The following CSMD2 variants were observed in gnomAD, a reference collection of about 807,000 sequenced individuals.
The protein encoded by CSMD2 is CUB and sushi domain-containing protein 2.
In CSMD2, 130 loss-of-function variants were observed where a neutral mutation model predicts 398.5. The ratio of observed to expected loss-of-function variants is 0.33; its 90% CI spans 0.28 to 0.38. CSMD2 has a LOEUF of 0.38. CSMD2 is among the 10% of genes least tolerant of loss of function. The probability of loss-of-function intolerance (pLI) is 1.00; values close to 1 mark genes in which losing one functional copy is unlikely to be tolerated. For missense variants in CSMD2, 3,829 were observed against 4,764.9 expected, an observed-to-expected ratio of 0.80 and a Z score of 5.78; for synonymous variants, 1,828 against 1,908.5, an observed-to-expected ratio of 0.96 and a Z score of 1.10.
At chr1:33,706,248 T>A (rs890194768) in intron 22 of CSMD2, among the ~76,000 whole-genome samples, 3 of 152,222 alleles carry the variant, frequency 2.0e-5, no homozygotes, top group Non-Finnish European at 4.4e-5. Context: ...GGATTGATTA[T>A]CCATTTTATT....
chr1:34,110,484 C>T (rs1370265100), intron 1 of CSMD2, among the ~76,000 whole-genome samples: 3 of 151,822 alleles, frequency 2.0e-5, no homozygotes, highest in Non-Finnish European at 4.4e-5. Flanking sequence ...AAATATGGTA[C>T]ATATACACCA....
chr1:33,520,360 T>C (rs1654155010), intron 68 of CSMD2, among the ~76,000 whole-genome samples: 2 of 152,244 alleles, frequency 1.3e-5, no homozygotes, highest in African/African-American at 2.4e-5. Flanking sequence ...TGGTTGAAGC[T>C]GAAGCATCTC....
intron 5 of CSMD2, among the ~76,000 whole-genome samples, chr1:33,861,626 A>G (rs1250481131): frequency 3.9e-5 from 6 of 152,364 alleles, no homozygotes; most frequent in Non-Finnish European, 1.5e-5. Flanking sequence ...CTACATGGTG[A>G]AAGGCTAAAA....
chr1:33,990,303 A>C (rs971239501), intron 3 of CSMD2, among the ~76,000 whole-genome samples: 1 of 152,172 alleles, frequency 6.6e-6, no homozygotes, highest in Admixed American at 6.5e-5. Flanking sequence ...TATCAAAAAA[A>C]GTGATAGGAT....
Position 33,525,035 on chromosome 1 carries a change from C to G in CSMD2, c.10243G>C (p.Asp3415His), listed in dbSNP as rs192427685. Residue 3415 changes from aspartate to histidine, a missense_variant, in exon 66 of 71, where the codon GAT becomes CAT. Physicochemically the swap from Asp to His is moderately conservative, Grantham distance 81 (BLOSUM62 -1). This residue lies in a region of CSMD2 where 917 missense variants were observed against 1,199.5 expected (regional missense o/e 0.76). Transcript: ENST00000373381. ...CACAGGGAATTCTTGGCAAAAACATCCCCAGGAACTAGAGGAATTGAGAAA... is the reference window on the plus strand; with the variant it reads ...CACAGGGAATTCTTGGCAAAAACATGCCCAGGAACTAGAGGAATTGAGAAA... ...PPLTQALIPGDVFAKNSLWKG... is the reference protein window; with the variant it reads ...PPLTQALIPGHVFAKNSLWKG... The G allele has an allele frequency of 2.5e-6, 4 of 1,614,148 alleles. No individual in the cohort carries two copies. The highest frequency in any genetic ancestry group is 3.3e-5 in the Admixed American group (2 of 60,022).
intron 6 of CSMD2, among the ~76,000 whole-genome samples, chr1:33,832,399 C>CT (rs527303355): frequency 2.3e-5 from 3 of 131,114 alleles, no homozygotes; most frequent in Non-Finnish European, 3.1e-5. Flanking sequence ...GAACAACCTG[C>CT]ACTGGGTACA....
intron 10 of CSMD2, among the ~76,000 whole-genome samples, chr1:33,803,652 C>G (rs1375311392): frequency 1.3e-5 from 2 of 152,212 alleles, no homozygotes; most frequent in Non-Finnish European, 2.9e-5. Context: ...AAGTCCCACT[C>G]TATCTCCTAA....
intron 29 of CSMD2, among the ~76,000 whole-genome samples, chr1:33,642,825 G>GT (rs941666339): frequency 3.3e-5 from 5 of 152,180 alleles, no homozygotes; most frequent in South Asian, 2.1e-4. Flanking sequence ...GCTCTGAGTG[G>GT]TTTTTTGATA....
At position 33,642,256 on chromosome 1, in the gene CSMD2, C is replaced by T. The variant is rs115403879; in HGVS notation, c.4774+4392G>A. On this transcript the variant is annotated intron_variant, in intron 29 of 70. Coordinates refer to ENST00000373381, the MANE Select transcript of CSMD2 (RefSeq NM_001281956.2). ...CAGCTACTCAGGAGGCTAAGGCAAGCGAATCACTTGAACCTGGGAGGTGGA... is the reference window on the plus strand; with the variant it reads ...CAGCTACTCAGGAGGCTAAGGCAAGTGAATCACTTGAACCTGGGAGGTGGA... 3.8e-3 allele frequency among the ~76,000 whole-genome samples: 568 copies of T among 149,158 alleles called. 5 individuals carry two copies. Among genetic ancestry groups the T allele is most frequent in the African/African-American group, 0.014 (549 of 40,458 alleles).
At chr1:33,997,397 T>C (rs1646762036) in intron 3 of CSMD2, among the ~76,000 whole-genome samples, 1 of 152,218 alleles carries the variant, frequency 6.6e-6, no homozygotes, top group African/African-American at 2.4e-5. Context: ...TTCTCCTCTT[T>C]CTGCATCTGG....
In CSMD2 at chr1:34,165,037, C is replaced by G. The variant is rs919701684; in HGVS notation, c.61G>C (p.Gly21Arg). 7.4e-6 allele frequency: 9 copies of G among 1,212,534 alleles called. No individual in the cohort carries two copies. In the East Asian group the frequency reaches 2.3e-4, roughly 32 times the overall value. The allele number at this position is 1,212,534 out of a possible 1,614,324, so 75.1% of individuals were successfully genotyped here. A position where few individuals can be genotyped will look rare whatever the true frequency, so the allele number is the denominator to read the frequency against. The part of the protein sequence containing the change: ...RCGCPAGRAR[G>R]ETGISALVPG... ...ACAAGCGCCGAAATCCCGGTTTCGCCGCGAGCCCTCCCCGCGGGGCAGCCG... is the reference window on the plus strand; with the variant it reads ...ACAAGCGCCGAAATCCCGGTTTCGCGGCGAGCCCTCCCCGCGGGGCAGCCG... Residue 21 changes from glycine (G) to arginine (R), a missense_variant, in exon 1 of 71, where the codon GGC (glycine) becomes CGC (arginine). By Grantham distance (125) the Gly-to-Arg change is moderately radical (BLOSUM62 -2). Coordinates refer to ENST00000373381, the MANE Select transcript of CSMD2 (RefSeq NM_001281956.2).
At chr1:33,784,167 A>G (rs1016245087) in intron 12 of CSMD2, among the ~76,000 whole-genome samples, 1 of 152,348 alleles carries the variant, frequency 6.6e-6, no homozygotes, top group Middle Eastern at 3.4e-3. Flanking sequence ...CACGTGATCA[A>G]CTGCAGAAGG....
intron 10 of CSMD2, among the ~76,000 whole-genome samples, chr1:33,796,956 C>A (rs1009069290): frequency 6.6e-6 from 1 of 152,158 alleles, no homozygotes; most frequent in South Asian, 2.1e-4. Context: ...TCCTGCAGTA[C>A]CCTCAGGCTT....
chr1:33,526,552 T>A (rs1654791496), intron 65 of CSMD2, among the ~76,000 whole-genome samples: 1 of 152,236 alleles, frequency 6.6e-6, no homozygotes, highest in Non-Finnish European at 1.5e-5. Flanking sequence ...ATCCTTGTAA[T>A]CATTCTCTAT....
Position 34,164,030 on chromosome 1 carries a change from G to A in CSMD2, c.187+881C>T, listed in dbSNP as rs866050658. 7.9e-5 allele frequency among the ~76,000 whole-genome samples: 12 copies of A among 152,110 alleles called. No homozygotes were observed. Among genetic ancestry groups the A allele is most frequent in the South Asian group, 2.1e-4 (1 of 4,824 alleles). ...GCACCCGCTAGATCTGCCCCTTCCC[G>A]GACTCGGTCGTCGGGAGCTGGTCCC... On this transcript the variant is annotated intron_variant, in intron 1 of 70. Transcript: ENST00000373381. This position sits in a 1 kb window ranked among gnomAD's most constrained non-coding sequence, Gnocchi z 6.2.
At chr1:34,031,947 T>C (rs1342543222) in intron 3 of CSMD2, among the ~76,000 whole-genome samples, 1 of 152,064 alleles carries the variant, frequency 6.6e-6, no homozygotes, top group African/African-American at 2.4e-5. Flanking sequence ...GAGATGTAAA[T>C]TTCCCAGGGA....
rs543796858 is a variant in CSMD2, at chr1:33,874,817, C to A, written c.921-27821G>T. Reference sequence around the variant, plus strand: ...CGTAAATTCCTCGATACCCATGTTACAACGAACAGATGCGGCTCTGTATTT... The same window carrying A: ...CGTAAATTCCTCGATACCCATGTTAAAACGAACAGATGCGGCTCTGTATTT... On this transcript the variant is annotated intron_variant, in intron 5 of 70. Coordinates refer to ENST00000373381, the MANE Select transcript of CSMD2 (RefSeq NM_001281956.2). 2.6e-5 allele frequency among the ~76,000 whole-genome samples: 4 copies of A among 152,356 alleles called. No individual in the cohort carries two copies. In the East Asian group the frequency reaches 7.7e-4, roughly 29 times the overall value.
At chr1:33,864,821 T>C (rs1050584037) in intron 5 of CSMD2, 2 of 1,337,228 alleles carry the variant, frequency 1.5e-6, no homozygotes, top group Non-Finnish European at 2.1e-6. Context: ...TGTGTGGCAT[T>C]AGAGTAGCTG....
intron 28 of CSMD2, 63 bp from the exon 29 acceptor site, chr1:33,646,898 C>T: frequency 6.6e-7 from 1 of 1,513,924 alleles, no homozygotes. Flanking sequence ...TTGCCGGGGT[C>T]TTAGGCTCAA....
Sources: gnomAD v4.1 joint callset for allele counts (sites outside exome capture counted in the v4.1 genomes callset) on GRCh38, gnomAD v4.1.1 for gene constraint, gnomAD v4.1.1 regional missense constraint, Gnocchi (gnomAD v3.1) non-coding constraint, MANE v1.5 for transcripts, NCBI Gene and HGNC (gene_info 2026-07-23, HGNC 2026-07-21) for gene names.